Variants in LPAR3 observed in about 807,000 individuals in gnomAD.
LPAR3 encodes the protein lysophosphatidic acid receptor 3, also known as LPA receptor 3.
A neutral mutation model predicts 17.8 loss-of-function variants in LPAR3; 7 were observed. That is an observed-to-expected ratio of 0.39 (90% CI 0.22 to 0.74). The LOEUF (loss-of-function observed/expected upper bound fraction) is 0.74. LPAR3 is among the 30% of genes least tolerant of loss of function. LPAR3 has a pLI of 0.40. For missense variants in LPAR3, 391 were observed against 453.4 expected, an observed-to-expected ratio of 0.86 and a Z score of 1.25; for synonymous variants, 179 against 179.9, an observed-to-expected ratio of 0.99 and a Z score of 0.04.
intron 1 of LPAR3, among the ~76,000 whole-genome samples, chr1:84,872,700 G>A (rs1046852964): frequency 6.6e-6 from 1 of 152,184 alleles, no homozygotes; most frequent in East Asian, 1.9e-4. Flanking sequence ...CTGTAAAGGA[G>A]GGGGAGCATA....
intron 2 of LPAR3, among the ~76,000 whole-genome samples, chr1:84,833,584 G>C (rs1304492310): frequency 6.6e-6 from 1 of 152,196 alleles, no homozygotes; most frequent in Non-Finnish European, 1.5e-5. Flanking sequence ...CGGTCAGAGG[G>C]GCAAATGGCA....
chr1:84,850,393 C>CAAAAAAAAAAAAAAAAAAAAAAAAAA (rs561506398), intron 2 of LPAR3, among the ~76,000 whole-genome samples: 5 of 38,742 alleles, frequency 1.3e-4, no homozygotes, highest in Admixed American at 5.5e-4. Flanking sequence ...TCTGTCTCTA[C>CAAAAAAAAAAAAAAAAAAAAAAAAAA]AAAAAAAAAA....
In LPAR3 at chr1:84,824,388, T is replaced by C. The variant is rs188388524; in HGVS notation, c.737-10217A>G. Among the ~76,000 whole-genome samples the C allele has an allele frequency of 7.2e-4, 110 of 152,286 alleles. 1 individual carries two copies. In the East Asian group the frequency reaches 0.017, roughly 24 times the overall value. On this transcript the variant is annotated intron_variant, in intron 2 of 2. Coordinates refer to ENST00000370611, the MANE Select transcript of LPAR3 (RefSeq NM_012152.3). ...AAGAAACCATGACACTATTTGTTTCTGGGCTCAGATATGACCTAGAATCTC... is the reference window on the plus strand; with the variant it reads ...AAGAAACCATGACACTATTTGTTTCCGGGCTCAGATATGACCTAGAATCTC...
At position 84,812,163 on chromosome 1, in the gene LPAR3, C is replaced by T. The variant is rs1463472540; in HGVS notation, c.*1683G>A. 1 of 152,120 alleles carries T rather than the reference C, an allele frequency of 6.6e-6. No homozygotes were observed. The highest frequency in any genetic ancestry group is 6.5e-5 in the Admixed American group (1 of 15,272). The allele number at this position is 152,120 out of a possible 1,614,324, so 9.4% of individuals were successfully genotyped here. On this transcript the variant is annotated 3_prime_UTR_variant, in exon 3 of 3. Coordinates refer to ENST00000370611, the MANE Select transcript of LPAR3 (RefSeq NM_012152.3). ...ACTGAAGATAAGGACTGGGGTCAAG[C>T]TCATATTTCATTCTATATGGAAGGG... is the stretch of plus-strand genomic sequence containing the variant.
In LPAR3 at chr1:84,813,963, G is replaced by A; in HGVS notation, c.945C>T (p.Asn315=). 1 of 1,614,140 alleles carries A rather than the reference G, an allele frequency of 6.2e-7. No homozygotes were observed. The highest frequency in any genetic ancestry group is 1.1e-5 in the South Asian group (1 of 91,070). ...KKMICCFSQE[N]PERRPSRIPS... Reference sequence around the variant, plus strand: ...GGATGCGAGAGGGACGCCTCTCTGGGTTCTCCTGAGAGAAGCAGCAGATCA... The same window carrying A: ...GGATGCGAGAGGGACGCCTCTCTGGATTCTCCTGAGAGAAGCAGCAGATCA... The change falls in exon 3 of 3, where the codon AAC becomes AAT. Residue 315 remains asparagine, a synonymous_variant. Coordinates refer to ENST00000370611, the MANE Select transcript of LPAR3 (RefSeq NM_012152.3).
chr1:84,829,876 A>T (rs1441671267), intron 2 of LPAR3, among the ~76,000 whole-genome samples: 1 of 152,130 alleles, frequency 6.6e-6, no homozygotes, highest in Non-Finnish European at 1.5e-5. Context: ...ACAGCAAGGG[A>T]AGGAAAGCAA....
chr1:84,820,218 A>G (rs1338344247), intron 2 of LPAR3, among the ~76,000 whole-genome samples: 1 of 152,202 alleles, frequency 6.6e-6, no homozygotes. Flanking sequence ...TACTAGAGGT[A>G]GTTTTTAATA....
intron 1 of LPAR3, among the ~76,000 whole-genome samples, chr1:84,880,204 C>A (rs1660337932): frequency 6.6e-6 from 1 of 152,194 alleles, no homozygotes; most frequent in Non-Finnish European, 1.5e-5. Flanking sequence ...GTGGCACATG[C>A]CTGTAATGCC....
chr1:84,865,848 G>A lies in LPAR3; in HGVS notation c.273C>T (p.Gly91=), dbSNP rs1305501801. The A allele has an allele frequency of 6.2e-7, 1 of 1,614,080 alleles. No homozygotes were observed. Among genetic ancestry groups the A allele is most frequent in the Non-Finnish European group, 8.5e-7 (1 of 1,180,050 alleles). Residue 91 remains glycine, a synonymous_variant, in exon 2 of 3, where the codon GGC becomes GGT. Transcript: ENST00000370611. ...IAYVFLMFNT[G]PVSKTLTVNR... is the part of the protein sequence containing the mutation. ...TGACAGTCAAAGTTTTTGAAACTGGGCCTGTGTTAAACATCAGGAATACAT... is the reference window on the plus strand; with the variant it reads ...TGACAGTCAAAGTTTTTGAAACTGGACCTGTGTTAAACATCAGGAATACAT...
chr1:84,878,516 G>A (rs537162489), intron 1 of LPAR3, among the ~76,000 whole-genome samples: 10 of 152,052 alleles, frequency 6.6e-5, no homozygotes, highest in African/African-American at 9.6e-5. Context: ...CACCTCTCAC[G>A]CCTTCTCTTT....
intron 2 of LPAR3, among the ~76,000 whole-genome samples, chr1:84,843,289 G>C (rs2102755511): frequency 6.6e-6 from 1 of 152,320 alleles, no homozygotes; most frequent in East Asian, 1.9e-4. Flanking sequence ...CCTGAGTAGG[G>C]GGTAGTAGTG....
At chr1:84,883,091 T>C (rs1660393861) in intron 1 of LPAR3, among the ~76,000 whole-genome samples, 1 of 152,188 alleles carries the variant, frequency 6.6e-6, no homozygotes. Context: ...CTCGATTTCC[T>C]TTTTTGTAAA....
At chr1:84,837,506 C>T (rs1659429385) in intron 2 of LPAR3, among the ~76,000 whole-genome samples, 1 of 152,200 alleles carries the variant, frequency 6.6e-6, no homozygotes, top group Non-Finnish European at 1.5e-5. Flanking sequence ...ACAACATCAC[C>T]TCTGAGAGAG....
intron 2 of LPAR3, among the ~76,000 whole-genome samples, chr1:84,859,147 T>C (rs1659886585): frequency 1.3e-5 from 2 of 152,186 alleles, no homozygotes; most frequent in South Asian, 4.1e-4. Flanking sequence ...GAGAACAGTG[T>C]ATTAAAACTG....
Position 84,824,127 on chromosome 1 carries a change from C to T in LPAR3, c.737-9956G>A, listed in dbSNP as rs1222859397. Among the ~76,000 whole-genome samples, 4 of 152,152 alleles carry T rather than the reference C, an allele frequency of 2.6e-5. No homozygotes were observed. The East Asian group carries it at 7.7e-4, about 29-fold the overall frequency. ...ATTTTGAAAGGACTACAGCATTGGGCATTGCACAAGAAACTTGACCTACCT... is the reference window on the plus strand; with the variant it reads ...ATTTTGAAAGGACTACAGCATTGGGTATTGCACAAGAAACTTGACCTACCT... On this transcript the variant is annotated intron_variant, in intron 2 of 2. Transcript: ENST00000370611.
chr1:84,834,306 C>T (rs532927890), intron 2 of LPAR3, among the ~76,000 whole-genome samples: 2 of 152,262 alleles, frequency 1.3e-5, no homozygotes, highest in African/African-American at 2.4e-5. Context: ...CAAATGAGTG[C>T]ATAAATGAAC....
rs1226946923 is a variant in LPAR3, at chr1:84,813,298, A to G, written c.*548T>C. ...GTATTTTTCCTCAGAATGTTCCTTC[A>G]GTTAAAAATCAGGTTTAATCTGGAG... On this transcript the variant is annotated 3_prime_UTR_variant, in exon 3 of 3. Coordinates refer to ENST00000370611, the MANE Select transcript of LPAR3 (RefSeq NM_012152.3). The G allele has an allele frequency of 6.6e-6, 1 of 151,956 alleles. No homozygotes were observed. Among genetic ancestry groups the G allele is most frequent in the Non-Finnish European group, 1.5e-5 (1 of 68,308 alleles). 9.4% of individuals were successfully genotyped at this position (151,956 alleles called of 1,614,324 possible).
chr1:84,877,343 G>GT (rs1420223028), intron 1 of LPAR3, among the ~76,000 whole-genome samples: 2 of 152,168 alleles, frequency 1.3e-5, no homozygotes, highest in Admixed American at 1.3e-4. Context: ...GGGATGCTGG[G>GT]TAAGTGTTGC....
At chr1:84,892,418 A>C (rs1053877363) in intron 1 of LPAR3, among the ~76,000 whole-genome samples, 1 of 152,106 alleles carries the variant, frequency 6.6e-6, no homozygotes, top group African/African-American at 2.4e-5. Context: ...CAATAAAGTA[A>C]CTCTGCTACA....
Sources: allele counts gnomAD v4.1 joint callset (sites outside exome capture counted in the v4.1 genomes callset), GRCh38; gene constraint gnomAD v4.1.1; transcripts MANE v1.5; gene names NCBI Gene and HGNC (gene_info 2026-07-23, HGNC 2026-07-21).